Variants in ADGRE1 observed in about 807,000 individuals in gnomAD.
ADGRE1 encodes adhesion G protein-coupled receptor E1, also known as EGF-like module receptor 1.
A neutral mutation model predicts 102.7 loss-of-function variants in ADGRE1; 82 were observed. The ratio of observed to expected loss-of-function variants is 0.80; its 90% CI spans 0.67 to 0.96. ADGRE1 has a LOEUF of 0.96. Ranked by LOEUF, ADGRE1 falls within the 40% of genes least tolerant of loss-of-function variation. The probability of loss-of-function intolerance (pLI) is 0.00; values close to 1 mark genes in which losing one functional copy is unlikely to be tolerated. For missense variants in ADGRE1, 1,032 were observed against 1,085.3 expected (o/e 0.95, Z 0.69); for synonymous variants, 398 against 399.6 (o/e 1.00, Z 0.05).
intron 5 of ADGRE1, among the ~76,000 whole-genome samples, chr19:6,899,803 C>G (rs1189148563): frequency 1.3e-5 from 2 of 151,644 alleles, no homozygotes; most frequent in Non-Finnish European, 2.9e-5. Flanking sequence ...TGAAAGTTAT[C>G]TTTAATCAGC....
intron 14 of ADGRE1, 64 bp from the exon 15 acceptor site, chr19:6,924,614 T>C: frequency 1.3e-6 from 2 of 1,501,362 alleles, no homozygotes; most frequent in South Asian, 1.2e-5. Context: ...TAGATAACTC[T>C]TCTTCCCGCC....
At chr19:6,895,347 A>C (rs1478885033) in intron 2 of ADGRE1, 1 of 152,228 alleles carries the variant, frequency 6.6e-6, no homozygotes, top group African/African-American at 2.4e-5. Context: ...TGCAGTCCTA[A>C]ACTGGATGGT....
chr19:6,891,212 C>G (rs1973355281), intron 2 of ADGRE1: 1 of 152,206 alleles, frequency 6.6e-6, no homozygotes, highest in African/African-American at 2.4e-5. Flanking sequence ...CACAAGCTCT[C>G]TTGCCTCCTG....
intron 20 of ADGRE1, 129 bp from the exon 21 acceptor site, chr19:6,939,895 T>A: frequency 9.0e-7 from 1 of 1,112,370 alleles, no homozygotes; most frequent in Non-Finnish European, 1.3e-6. Context: ...CATTTAACAT[T>A]TTAGTGTTTA....
intron 16 of ADGRE1, among the ~76,000 whole-genome samples, chr19:6,927,509 T>TA (rs1178416524): frequency 6.6e-6 from 1 of 152,072 alleles, no homozygotes; most frequent in Non-Finnish European, 1.5e-5. Context: ...CAAGGTAACT[T>TA]ACGATAGTGA....
At chr19:6,899,662 A>G (rs1973694216) in intron 5 of ADGRE1, among the ~76,000 whole-genome samples, 1 of 151,916 alleles carries the variant, frequency 6.6e-6, no homozygotes, top group South Asian at 2.1e-4. Flanking sequence ...CCTGGGCAAC[A>G]GAGCAAGACT....
chr19:6,921,854 G>T lies in ADGRE1; in HGVS notation c.1762G>T (p.Ala588Ser). The T allele has an allele frequency of 6.2e-7, 1 of 1,614,034 alleles. No homozygotes were observed. The highest frequency in any genetic ancestry group is 8.5e-7 in the Non-Finnish European group (1 of 1,179,974). The change falls in exon 14 of 21, where the codon GCC (alanine) becomes TCC (serine). Residue 588 changes from alanine (A) to serine (S), a missense_variant. Physicochemically the swap from Ala to Ser is moderately conservative, Grantham distance 99. Coordinates refer to ENST00000312053, the MANE Select transcript of ADGRE1 (RefSeq NM_001974.5). ...ICSCNQMANL[A>S]VIMASGELTM... ...CAGCTGTAATCAGATGGCAAATCTT[G>T]CCGTTATCATGGCGTCTGGGGAGCT...
intron 1 of ADGRE1, among the ~76,000 whole-genome samples, chr19:6,889,979 C>T (rs1973299589): frequency 6.6e-6 from 1 of 151,986 alleles, no homozygotes; most frequent in Admixed American, 6.6e-5. Flanking sequence ...GTGGCATGAT[C>T]TTGGCTCACT....
At chr19:6,892,419 C>T (rs191354141) in intron 2 of ADGRE1, among the ~76,000 whole-genome samples, 74 of 152,284 alleles carry the variant, frequency 4.9e-4, no homozygotes, top group Middle Eastern at 3.4e-3. Flanking sequence ...TCCAATCCAT[C>T]GGCAAATTTT....
At chr19:6,889,687 C>CAAAAA (rs1178774112) in intron 1 of ADGRE1, among the ~76,000 whole-genome samples, 12 of 41,660 alleles carry the variant, frequency 2.9e-4, no homozygotes, top group East Asian at 1.5e-3. Context: ...GACTCCATCT[C>CAAAAA]AAAAAAAAAA....
At chr19:6,927,079 A>G (rs995582190) in intron 16 of ADGRE1, among the ~76,000 whole-genome samples, 1 of 151,814 alleles carries the variant, frequency 6.6e-6, no homozygotes, top group Non-Finnish European at 1.5e-5. Context: ...TGGGGGGAAT[A>G]TTGGGGTGCT....
At chr19:6,917,073 T>C (rs181697961) in intron 12 of ADGRE1, among the ~76,000 whole-genome samples, 5 of 152,326 alleles carry the variant, frequency 3.3e-5, no homozygotes. Flanking sequence ...TCTATCACAA[T>C]GATTTAACTA....
At position 6,932,857 on chromosome 19, in the gene ADGRE1, C is replaced by T. The variant is rs1483868333; in HGVS notation, c.2290-2130C>T. On this transcript the variant is annotated intron_variant, in intron 17 of 20. Coordinates refer to ENST00000312053, the MANE Select transcript of ADGRE1 (RefSeq NM_001974.5). The stretch of plus-strand genomic sequence containing the variant: ...ATGAACAAACCATATGTGTGAGATG[C>T]TTAGTACAATGCCAGGCATTGCCAA... Among the ~76,000 whole-genome samples the T allele has an allele frequency of 2.0e-5, 3 of 152,316 alleles. No homozygotes were observed. In the East Asian group the frequency reaches 5.8e-4, roughly 29 times the overall value.
intron 13 of ADGRE1, among the ~76,000 whole-genome samples, chr19:6,920,344 C>G (rs2354121): frequency 6.6e-6 from 1 of 151,012 alleles, no homozygotes; most frequent in East Asian, 2.0e-4. Flanking sequence ...CTCAGCCTCC[C>G]GAGTAGCTGG....
At chr19:6,899,530 A>G (rs946008014) in intron 5 of ADGRE1, among the ~76,000 whole-genome samples, 1 of 152,102 alleles carries the variant, frequency 6.6e-6, no homozygotes, top group Non-Finnish European at 1.5e-5. Flanking sequence ...AATACAAAAA[A>G]TTAGCCGGGC....
intron 15 of ADGRE1, among the ~76,000 whole-genome samples, chr19:6,925,573 G>C (rs1275983591): frequency 1.3e-5 from 2 of 152,176 alleles, no homozygotes; most frequent in Admixed American, 6.5e-5. Flanking sequence ...ATACTGCTAA[G>C]TATCTTGTCG....
In ADGRE1 at chr19:6,928,168, G is replaced by T. The variant is rs771416208; in HGVS notation, c.2246G>T (p.Gly749Val). 1.7e-5 allele frequency: 27 copies of T among 1,613,920 alleles called. No homozygotes were observed. Among genetic ancestry groups the T allele is most frequent in the Middle Eastern group, 3.3e-4 (2 of 6,084 alleles). ...AGCTGCTGGCTGAATACAGAGACAGGGTTCATCTGGAGTTTCTTGGGGCCA... is the reference window on the plus strand; with the variant it reads ...AGCTGCTGGCTGAATACAGAGACAGTGTTCATCTGGAGTTTCTTGGGGCCA... ...HNRCWLNTET[G>V]FIWSFLGPVC... is the part of the protein sequence containing the mutation. The change falls in exon 17 of 21, where the codon GGG becomes GTG. Residue 749 changes from glycine (G) to valine (V), a missense_variant. Transcript: ENST00000312053.
chr19:6,928,127 T>G lies in ADGRE1; in HGVS notation c.2223-18T>G. 1 of 1,611,778 alleles carries G rather than the reference T, an allele frequency of 6.2e-7. No individual in the cohort carries two copies. Among genetic ancestry groups the G allele is most frequent in the Non-Finnish European group, 8.5e-7 (1 of 1,178,802 alleles). ...GGACTCTGAGACAAGCGCTGACTCC[T>G]CCTATTTCTCTCCACAGCTGCTGGC... On this transcript the variant is annotated intron_variant, in intron 16 of 20. Transcript: ENST00000312053.
intron 17 of ADGRE1, among the ~76,000 whole-genome samples, chr19:6,934,149 G>T (rs1975282717): frequency 6.6e-6 from 1 of 152,148 alleles, no homozygotes; most frequent in Non-Finnish European, 1.5e-5. Context: ...AGGAAAAAAA[G>T]AGAAGGCTAC....
Sources: gnomAD v4.1 joint callset for allele counts (sites outside exome capture counted in the v4.1 genomes callset) on GRCh38, gnomAD v4.1.1 for gene constraint, MANE v1.5 for transcripts, NCBI Gene and HGNC (gene_info 2026-07-23, HGNC 2026-07-21) for gene names.